PCDHGB4: variants seen among roughly 807,000 people sequenced by gnomAD.
PCDHGB4 encodes the protein protocadherin gamma subfamily B, 4.
PCDHGB4 carries 38 observed loss-of-function variants against 60.5 expected under a neutral mutation model. The observed-to-expected ratio is 0.63, with a 90% confidence interval of 0.48 to 0.82. PCDHGB4 has a LOEUF of 0.82. Among genes scored for constraint, PCDHGB4 ranks in the 40% least tolerant of loss-of-function variants. PCDHGB4 has a pLI of 0.00. For synonymous variants in PCDHGB4, 456 were observed against 509.7 expected (o/e 0.89, Z 1.42); for missense variants, 1,109 against 1,209.6 (o/e 0.92, Z 1.23).
intron 1 of PCDHGB4, chr5:141,407,957 G>A: frequency 1.5e-6 from 1 of 660,494 alleles, no homozygotes; most frequent in Non-Finnish European, 2.4e-6. Flanking sequence ...GGCCAGTGCA[G>A]AGCAAGCGCT....
intron 1 of PCDHGB4, chr5:141,410,151 G>A: frequency 6.2e-7 from 1 of 1,613,018 alleles, no homozygotes; most frequent in Non-Finnish European, 8.5e-7. Flanking sequence ...CGTGACGGTG[G>A]ACAGCCGCCA....
intron 1 of PCDHGB4, chr5:141,409,345 A>G (rs1012428329): frequency 6.2e-7 from 1 of 1,614,020 alleles, no homozygotes; most frequent in Non-Finnish European, 8.5e-7. Flanking sequence ...GAAATGGAGA[A>G]GTCAGGTGTA....
At chr5:141,409,330 C>T (rs920851409) in intron 1 of PCDHGB4, 1 of 1,613,836 alleles carries the variant, frequency 6.2e-7, no homozygotes, top group African/African-American at 1.3e-5. Flanking sequence ...ATCTGGATTT[C>T]GGAGGAAATG....
Position 141,432,082 on chromosome 5 carries a change from C to G in PCDHGB4, c.2397+41801C>G. The G allele has an allele frequency of 1.2e-6, 2 of 1,614,184 alleles. No individual in the cohort carries two copies. The highest frequency in any genetic ancestry group is 1.7e-6 in the Non-Finnish European group (2 of 1,180,028). On this transcript the variant is annotated intron_variant, in intron 1 of 3. Coordinates refer to ENST00000519479, the MANE Select transcript of PCDHGB4 (RefSeq NM_003736.4). This position sits in a 1 kb window ranked among gnomAD's most constrained non-coding sequence, Gnocchi z 6.0. Reference sequence around the variant, plus strand: ...CCACGGAAACTCATATCTCGCTGAACGTGGCAGACACCAACGACAACCCGC... The same window carrying G: ...CCACGGAAACTCATATCTCGCTGAAGGTGGCAGACACCAACGACAACCCGC...
intron 1 of PCDHGB4, chr5:141,471,533 G>C (rs921328911): frequency 1.3e-5 from 2 of 152,234 alleles, no homozygotes. Context: ...AGGAAGCTAT[G>C]ATAGCATTTA....
rs2099695548 is a variant in PCDHGB4, at chr5:141,490,059, C to T, written c.2398-4748C>T. On this transcript the variant is annotated intron_variant, in intron 1 of 3. Coordinates refer to ENST00000519479, the MANE Select transcript of PCDHGB4 (RefSeq NM_003736.4). The surrounding 1 kb of genome is among the most constrained non-coding windows in gnomAD (Gnocchi z 5.4). ...ATGCCACTGATCCAGACGAGGGCAC[C>T]AACGGCCAACTAGACTATTCTTTTG... 1.2e-6 allele frequency: 2 copies of T among 1,614,242 alleles called. No individual in the cohort carries two copies. The highest frequency in any genetic ancestry group is 1.7e-6 in the Non-Finnish European group (2 of 1,180,030).
intron 1 of PCDHGB4, chr5:141,427,758 A>T: frequency 7.4e-7 from 1 of 1,345,378 alleles, no homozygotes; most frequent in Non-Finnish European, 1.1e-6. Context: ...CATCGTTACC[A>T]CTGACTTGGA....
At chr5:141,404,153 T>G in intron 1 of PCDHGB4, 1 of 1,613,010 alleles carries the variant, frequency 6.2e-7, no homozygotes, top group Non-Finnish European at 8.5e-7. Context: ...AGAAGAAGAT[T>G]ATTACAGATT....
intron 1 of PCDHGB4, chr5:141,393,129 A>T (rs2150509668): frequency 1.2e-6 from 2 of 1,613,426 alleles, no homozygotes; most frequent in Non-Finnish European, 1.7e-6. Flanking sequence ...TCTGATAAAT[A>T]TTAACACCCT....
At chr5:141,423,936 G>A (rs2096792092) in intron 1 of PCDHGB4, 1 of 1,225,102 alleles carries the variant, frequency 8.2e-7, no homozygotes. Context: ...TTGGTTTGAA[G>A]TAAGTTGAAT....
At chr5:141,462,116 C>T (rs535029363) in intron 1 of PCDHGB4, among the ~76,000 whole-genome samples, 3 of 152,152 alleles carry the variant, frequency 2.0e-5, no homozygotes, top group Admixed American at 1.3e-4. Context: ...AGCCACTGCA[C>T]CCAGTCCAAT....
intron 1 of PCDHGB4, chr5:141,390,870 G>A (rs1003231489): frequency 2.2e-5 from 3 of 134,656 alleles, no homozygotes; most frequent in African/African-American, 9.4e-5. Context: ...GTGTGTGCGT[G>A]TGTGTGTGTG....
rs78612001 is a variant in PCDHGB4 at position 141,432,435 on chromosome 5, C to A, written c.2397+42154C>A. ...TTCGTGCTGGACCAGAACGACAATG[C>A]GCCCGAGATCCTGTACCCCGCCCTC... On this transcript the variant is annotated intron_variant, in intron 1 of 3. Coordinates refer to ENST00000519479, the MANE Select transcript of PCDHGB4 (RefSeq NM_003736.4). The surrounding 1 kb of genome is among the most constrained non-coding windows in gnomAD (Gnocchi z 6.0). The A allele has an allele frequency of 0.027, 43,228 of 1,614,212 alleles. 830 individuals are homozygous for A. The highest frequency in any genetic ancestry group is 0.092 in the African/African-American group (6,903 of 75,054).
rs1396744157 is a variant in PCDHGB4 at position 141,432,439 on chromosome 5, C to G, written c.2397+42158C>G. 22 of 1,614,108 alleles carry G rather than the reference C, an allele frequency of 1.4e-5. No individual in the cohort carries two copies. The highest frequency in any genetic ancestry group is 1.7e-5 in the Non-Finnish European group (20 of 1,180,052). On this transcript the variant is annotated intron_variant, in intron 1 of 3. Coordinates refer to ENST00000519479, the MANE Select transcript of PCDHGB4 (RefSeq NM_003736.4). This position sits in a 1 kb window ranked among gnomAD's most constrained non-coding sequence, Gnocchi z 6.0. ...TGCTGGACCAGAACGACAATGCGCCCGAGATCCTGTACCCCGCCCTCCCCA... is the reference window on the plus strand; with the variant it reads ...TGCTGGACCAGAACGACAATGCGCCGGAGATCCTGTACCCCGCCCTCCCCA...
chr5:141,487,595 G>C lies in PCDHGB4; in HGVS notation c.2398-7212G>C. ...TGTTCGCCCAAGCTGCCCACCCTCT[G>C]ATCTTCTCTATGGGCTAGAGGTGAG... On this transcript the variant is annotated intron_variant, in intron 1 of 3. Coordinates refer to ENST00000519479, the MANE Select transcript of PCDHGB4 (RefSeq NM_003736.4). The surrounding 1 kb of genome is among the most constrained non-coding windows in gnomAD (Gnocchi z 5.0). 1 of 1,614,202 alleles carries C rather than the reference G, an allele frequency of 6.2e-7. No homozygotes were observed. The highest frequency in any genetic ancestry group is 8.5e-7 in the Non-Finnish European group (1 of 1,180,038).
At chr5:141,439,780 T>G (rs1023743000) in intron 1 of PCDHGB4, 1 of 152,228 alleles carries the variant, frequency 6.6e-6, no homozygotes, top group African/African-American at 2.4e-5. Context: ...TGGCTGGAGA[T>G]TCTATAATCC....
chr5:141,397,372 G>A (rs1014875277), intron 1 of PCDHGB4, among the ~76,000 whole-genome samples: 3 of 152,012 alleles, frequency 2.0e-5, no homozygotes, highest in Admixed American at 6.6e-5. Context: ...AGATGTTTGG[G>A]GATTGGTATA....
At chr5:141,410,576 C>A (rs533810160) in intron 1 of PCDHGB4, 1 of 1,611,270 alleles carries the variant, frequency 6.2e-7, no homozygotes, top group African/African-American at 1.3e-5. Flanking sequence ...AATTCCACCT[C>A]ATGGTGGGGA....
chr5:141,433,357 G>GCCTA, intron 1 of PCDHGB4: 1 of 569,056 alleles, frequency 1.8e-6, no homozygotes, highest in Non-Finnish European at 3.1e-6. Context: ...CCTACTGTCT[G>GCCTA]CCTATCTATC....
Sources: gnomAD v4.1 joint callset for allele counts (sites outside exome capture counted in the v4.1 genomes callset) on GRCh38, gnomAD v4.1.1 for gene constraint, Gnocchi (gnomAD v3.1) non-coding constraint, MANE v1.5 for transcripts, NCBI Gene and HGNC (gene_info 2026-07-23, HGNC 2026-07-21) for gene names.